GPC6: variants seen among roughly 807,000 people sequenced by gnomAD.
The protein encoded by GPC6 is glypican-6.
In GPC6, 14 loss-of-function variants were observed where a neutral mutation model predicts 55.2. The observed-to-expected ratio is 0.25, with a 90% confidence interval of 0.17 to 0.40. GPC6 has a LOEUF of 0.40. Ranked by LOEUF, GPC6 falls within the 10% of genes least tolerant of loss-of-function variation. The pLI, the probability that GPC6 is intolerant of heterozygous loss-of-function variation, is 1.00. For missense variants in GPC6, 641 were observed against 708.5 expected (o/e 0.90, Z 1.08); for synonymous variants, 278 against 259.6 (o/e 1.07, Z -0.68).
intron 4 of GPC6, among the ~76,000 whole-genome samples, chr13:94,257,548 G>C (rs1891542001): frequency 6.6e-6 from 1 of 152,084 alleles, no homozygotes; most frequent in Non-Finnish European, 1.5e-5. Flanking sequence ...AAGTATTTCT[G>C]TCAGACAACC....
intron 5 of GPC6, among the ~76,000 whole-genome samples, chr13:94,294,276 C>G (rs59455781): frequency 6.6e-6 from 1 of 152,012 alleles, no homozygotes; most frequent in South Asian, 2.1e-4. Context: ...CAGAGATAAT[C>G]TAAATTAAGA....
chr13:93,342,529 A>G (rs1295555201), intron 1 of GPC6, among the ~76,000 whole-genome samples: 2 of 152,156 alleles, frequency 1.3e-5, no homozygotes, highest in Non-Finnish European at 2.9e-5. Flanking sequence ...ATTACCTCCC[A>G]TCAGGTCCCT....
At chr13:94,086,778 AT>A (rs199514667) in intron 4 of GPC6, among the ~76,000 whole-genome samples, 2,055 of 152,310 alleles carry the variant, frequency 0.013, 61 homozygotes, top group African/African-American at 0.047. Context: ...AAAAATCTCG[AT>A]TTTTTAATAA....
At chr13:93,954,681 G>A (rs1018082568) in intron 3 of GPC6, among the ~76,000 whole-genome samples, 17 of 152,104 alleles carry the variant, frequency 1.1e-4, no homozygotes, top group African/African-American at 4.1e-4. Context: ...ACACTTGCAT[G>A]CCTGTCACAG....
intron 1 of GPC6, among the ~76,000 whole-genome samples, chr13:93,323,073 A>G (rs1879513233): frequency 6.6e-6 from 1 of 152,150 alleles, no homozygotes; most frequent in African/African-American, 2.4e-5. Context: ...GACACATCTA[A>G]AATATTTGGC....
intron 4 of GPC6, among the ~76,000 whole-genome samples, chr13:94,096,409 T>A (rs1376540454): frequency 1.3e-5 from 2 of 152,078 alleles, no homozygotes; most frequent in African/African-American, 4.8e-5. Flanking sequence ...TACCTTTTAA[T>A]GAATGAATCC....
chr13:93,952,445 T>C (rs1381751372), intron 3 of GPC6, among the ~76,000 whole-genome samples: 2 of 152,120 alleles, frequency 1.3e-5, no homozygotes, highest in African/African-American at 4.8e-5. Flanking sequence ...TGAGTTTTAA[T>C]TTCCTTATAT....
chr13:94,050,669 C>T (rs868725923), intron 4 of GPC6, among the ~76,000 whole-genome samples: 1 of 152,126 alleles, frequency 6.6e-6, no homozygotes, highest in African/African-American at 2.4e-5. Flanking sequence ...GCCAGGATGG[C>T]CTTCAGAGAG....
At chr13:94,241,285 T>C (rs1422921531) in intron 4 of GPC6, among the ~76,000 whole-genome samples, 1 of 152,170 alleles carries the variant, frequency 6.6e-6, no homozygotes, top group African/African-American at 2.4e-5. Flanking sequence ...TCAAGCCACC[T>C]ACTTTATGGT....
chr13:93,996,880 A>T (rs1881580616), intron 3 of GPC6, among the ~76,000 whole-genome samples: 1 of 152,190 alleles, frequency 6.6e-6, no homozygotes. Flanking sequence ...TAGGACATCT[A>T]AATTAGAAGA....
chr13:93,482,038 A>G (rs536806842), intron 1 of GPC6, among the ~76,000 whole-genome samples: 1 of 152,160 alleles, frequency 6.6e-6, no homozygotes, highest in Non-Finnish European at 1.5e-5. Context: ...CTTGTGATCC[A>G]TGATCATGAG....
chr13:93,271,012 C>T (rs1338842177), intron 1 of GPC6, among the ~76,000 whole-genome samples: 1 of 152,160 alleles, frequency 6.6e-6, no homozygotes, highest in Non-Finnish European at 1.5e-5. Flanking sequence ...AATCAGAAGC[C>T]TCTGCTGTGT....
At chr13:94,222,495 A>G (rs1322633026) in intron 4 of GPC6, among the ~76,000 whole-genome samples, 1 of 152,088 alleles carries the variant, frequency 6.6e-6, no homozygotes, top group Non-Finnish European at 1.5e-5. Context: ...GTTTTCTGAC[A>G]GCTCTAGTGG....
intron 2 of GPC6, among the ~76,000 whole-genome samples, chr13:93,776,317 A>G (rs1426757602): frequency 6.6e-6 from 1 of 152,210 alleles, no homozygotes; most frequent in Admixed American, 6.6e-5. Context: ...CTTTAACAAC[A>G]GCTCTGAAAT....
At chr13:93,547,206 C>T (rs1223934337) in intron 2 of GPC6, among the ~76,000 whole-genome samples, 1 of 150,318 alleles carries the variant, frequency 6.7e-6, no homozygotes, top group South Asian at 2.1e-4. Flanking sequence ...ATTAGCTGGG[C>T]GTGGTGCCAG....
At chr13:93,489,419 TG>T (rs1371770536) in intron 1 of GPC6, among the ~76,000 whole-genome samples, 1 of 151,394 alleles carries the variant, frequency 6.6e-6, no homozygotes, top group Non-Finnish European at 1.5e-5. Flanking sequence ...CCTCCAGCTT[TG>T]TTCTTTTGGC....
chr13:93,422,081 C>T (rs1307334906), intron 1 of GPC6, among the ~76,000 whole-genome samples: 1 of 152,160 alleles, frequency 6.6e-6, no homozygotes, highest in Non-Finnish European at 1.5e-5. Flanking sequence ...TACACTTCCA[C>T]TTTGGGCTGC....
At chr13:93,383,084 A>G (rs574067966) in intron 1 of GPC6, among the ~76,000 whole-genome samples, 1 of 152,328 alleles carries the variant, frequency 6.6e-6, no homozygotes, top group African/African-American at 2.4e-5. Context: ...GCTATGATCA[A>G]ATGGTGATAT....
intron 4 of GPC6, among the ~76,000 whole-genome samples, chr13:94,179,244 G>T (rs1459973554): frequency 7.2e-5 from 11 of 152,176 alleles, no homozygotes; most frequent in African/African-American, 2.7e-4. Flanking sequence ...CTTCTAAGAT[G>T]CATCTTCTTC....
Sources: gnomAD v4.1 joint callset for allele counts (sites outside exome capture counted in the v4.1 genomes callset) on GRCh38, gnomAD v4.1.1 for gene constraint, MANE v1.5 for transcripts, NCBI Gene and HGNC (gene_info 2026-07-23, HGNC 2026-07-21) for gene names.